CCDC148: variants seen among roughly 807,000 people sequenced by gnomAD.
The protein encoded by CCDC148 is coiled-coil domain containing 148.
In CCDC148, 89 loss-of-function variants were observed where a neutral mutation model predicts 85.7. The observed-to-expected ratio is 1.04, with a 90% CI of 0.87 to 1.24. The LOEUF is 1.24. CCDC148 is among the 50% of genes most tolerant of loss of function. The probability of loss-of-function intolerance (pLI) is 0.00; values close to 1 mark genes in which losing one functional copy is unlikely to be tolerated. For synonymous variants in CCDC148, 230 were observed against 213.9 expected, an observed-to-expected ratio of 1.08 and a Z score of -0.66; for missense variants, 692 against 671.7, an observed-to-expected ratio of 1.03 and a Z score of -0.33.
At chr2:158,280,024 C>T (rs1483146624) in intron 9 of CCDC148, among the ~76,000 whole-genome samples, 2 of 151,552 alleles carry the variant, frequency 1.3e-5, no homozygotes, top group African/African-American at 4.8e-5. Flanking sequence ...TCCAGCCAAA[C>T]TAAGCTTCAT....
intron 1 of CCDC148, among the ~76,000 whole-genome samples, chr2:158,406,631 T>TTTTG (rs1686033490): frequency 1.2e-4 from 17 of 140,066 alleles, no homozygotes; most frequent in Admixed American, 1.4e-4. Flanking sequence ...TTTTTTTTTT[T>TTTTG]TTTTTTTTTG....
At chr2:158,177,412 G>A (rs1370301522) in intron 12 of CCDC148, among the ~76,000 whole-genome samples, 1 of 152,086 alleles carries the variant, frequency 6.6e-6, no homozygotes, top group Non-Finnish European at 1.5e-5. Context: ...TTTAAAGACT[G>A]TAATAAAATA....
intron 1 of CCDC148, among the ~76,000 whole-genome samples, chr2:158,409,988 C>T (rs1233695972): frequency 6.6e-6 from 1 of 152,170 alleles, no homozygotes; most frequent in East Asian, 1.9e-4. Flanking sequence ...GTAAGATGTG[C>T]TTTTCACTTT....
intron 10 of CCDC148, among the ~76,000 whole-genome samples, chr2:158,224,842 C>A (rs1330876355): frequency 1.3e-5 from 2 of 152,104 alleles, no homozygotes; most frequent in African/African-American, 4.8e-5. Flanking sequence ...CCAGCCACTG[C>A]AAAAACATGC....
At chr2:158,333,152 G>T (rs1693234661) in intron 7 of CCDC148, among the ~76,000 whole-genome samples, 1 of 152,008 alleles carries the variant, frequency 6.6e-6, no homozygotes, top group Non-Finnish European at 1.5e-5. Context: ...TCTCTTGTGG[G>T]CATTTAGTGC....
At chr2:158,305,184 T>C (rs1196343285) in intron 9 of CCDC148, among the ~76,000 whole-genome samples, 1 of 152,120 alleles carries the variant, frequency 6.6e-6, no homozygotes, top group Non-Finnish European at 1.5e-5. Flanking sequence ...GGTACAAGTG[T>C]GGACCCATCA....
At chr2:158,186,751 T>C (rs550731850) in intron 11 of CCDC148, among the ~76,000 whole-genome samples, 3 of 152,022 alleles carry the variant, frequency 2.0e-5, no homozygotes, top group South Asian at 4.2e-4. Context: ...TTAAATACCA[T>C]TGAACAATGG....
intron 11 of CCDC148, among the ~76,000 whole-genome samples, chr2:158,184,462 G>T (rs1337487382): frequency 6.6e-6 from 1 of 152,162 alleles, no homozygotes; most frequent in Admixed American, 6.5e-5. Flanking sequence ...TCCCTACTCT[G>T]TTGAGTTTAC....
At position 158,391,394 on chromosome 2, in the gene CCDC148, A is replaced by G. The variant is rs115590923; in HGVS notation, c.26-32824T>C. 4.9e-3 allele frequency among the ~76,000 whole-genome samples: 749 copies of G among 152,322 alleles called. 3 individuals are homozygous for G. Among genetic ancestry groups the G allele is most frequent in the African/African-American group, 0.016 (677 of 41,580 alleles). On this transcript the variant is annotated intron_variant, in intron 1 of 13. Transcript: ENST00000283233. ...TTATAACTATCATAAAATTTTAGAG[A>G]ACATTTAACCAAGATGACACAGATG... is the stretch of plus-strand genomic sequence containing the variant.
intron 7 of CCDC148, among the ~76,000 whole-genome samples, chr2:158,333,805 T>C (rs1248442779): frequency 6.6e-6 from 1 of 152,084 alleles, no homozygotes; most frequent in East Asian, 1.9e-4. Flanking sequence ...GCTTGGCTAT[T>C]CTCTGGTCAT....
chr2:158,336,123 T>C (rs1313658426), intron 7 of CCDC148, among the ~76,000 whole-genome samples: 1 of 151,996 alleles, frequency 6.6e-6, no homozygotes, highest in Admixed American at 6.6e-5. Context: ...GCCCAATAAC[T>C]AGAACAAAGA....
intron 10 of CCDC148, among the ~76,000 whole-genome samples, chr2:158,244,610 G>T (rs1417035491): frequency 5.3e-5 from 8 of 152,072 alleles, no homozygotes; most frequent in Admixed American, 1.3e-4. Flanking sequence ...ATCAATGGTG[G>T]TCACATCCTT....
At chr2:158,245,793 A>G (rs1315330099) in intron 10 of CCDC148, among the ~76,000 whole-genome samples, 1 of 152,194 alleles carries the variant, frequency 6.6e-6, no homozygotes, top group East Asian at 1.9e-4. Context: ...AATAGCTCCC[A>G]GGGATCATTT....
chr2:158,212,711 C>T (rs545844148), intron 11 of CCDC148, among the ~76,000 whole-genome samples: 2 of 152,070 alleles, frequency 1.3e-5, no homozygotes, highest in Admixed American at 1.3e-4. Context: ...TGGAAAGCAA[C>T]GTTTTCTCCA....
chr2:158,335,938 T>C (rs543265458), intron 7 of CCDC148, among the ~76,000 whole-genome samples: 2 of 152,114 alleles, frequency 1.3e-5, no homozygotes, highest in East Asian at 3.9e-4. Context: ...TACTATAAAA[T>C]AGGAAGAATT....
chr2:158,416,958 C>A (rs1356270615), intron 1 of CCDC148, among the ~76,000 whole-genome samples: 1 of 152,124 alleles, frequency 6.6e-6, no homozygotes, highest in Non-Finnish European at 1.5e-5. Context: ...AAGAAACTTA[C>A]AATCATGGCA....
chr2:158,194,599 T>C (rs184930579), intron 11 of CCDC148, among the ~76,000 whole-genome samples: 28 of 152,286 alleles, frequency 1.8e-4, no homozygotes, highest in Non-Finnish European at 3.2e-4. Context: ...TGCATTTTCA[T>C]ATTACCCATC....
At chr2:158,184,318 T>A (rs3914922) in intron 11 of CCDC148, among the ~76,000 whole-genome samples, 3,645 of 152,170 alleles carry the variant, frequency 0.024, 146 homozygotes, top group African/African-American at 0.083. Flanking sequence ...GTGAAGCTAT[T>A]GGAACCCCAT....
rs576711157 is a variant in CCDC148, at chr2:158,280,957, C to T, written c.1110+28476G>A. Among the ~76,000 whole-genome samples, 4 of 152,280 alleles carry T rather than the reference C, an allele frequency of 2.6e-5. No individual in the cohort carries two copies. In the East Asian group the frequency reaches 7.7e-4, roughly 29 times the overall value. On this transcript the variant is annotated intron_variant, in intron 9 of 13. Transcript: ENST00000283233. Reference sequence around the variant, plus strand: ...AGACCACAGTGCAATCAAACTAGAACTCAGGATTAAGGAACTCACTCAAAA... The same window carrying T: ...AGACCACAGTGCAATCAAACTAGAATTCAGGATTAAGGAACTCACTCAAAA...
Sources: gnomAD v4.1 joint callset for allele counts (sites outside exome capture counted in the v4.1 genomes callset) on GRCh38, gnomAD v4.1.1 for gene constraint, MANE v1.5 for transcripts, NCBI Gene and HGNC (gene_info 2026-07-23, HGNC 2026-07-21) for gene names.